The following RBFOX1 variants were observed in gnomAD, a reference collection of about 807,000 sequenced individuals.
The protein encoded by RBFOX1 is RNA binding fox-1 homolog 1.
A neutral mutation model predicts 57.7 loss-of-function variants in RBFOX1; 8 were observed. The ratio of observed to expected loss-of-function variants is 0.14; its 90% confidence interval spans 0.08 to 0.25. The LOEUF (loss-of-function observed/expected upper bound fraction) is 0.25, where lower values mean the gene tolerates loss of function less well. RBFOX1 is among the 10% of genes least tolerant of loss of function. The pLI is 1.00. For synonymous variants in RBFOX1, 326 were observed against 222.4 expected, an observed-to-expected ratio of 1.47 and a Z score of -4.15; for missense variants, 611 against 548.5, an observed-to-expected ratio of 1.11 and a Z score of -1.14.
chr16:5,343,960 C>G (rs2065087630), intron 1 of RBFOX1, among the ~76,000 whole-genome samples: 1 of 152,156 alleles, frequency 6.6e-6, no homozygotes, highest in South Asian at 2.1e-4. Flanking sequence ...AACGCTTGAG[C>G]ATATGTAACC....
At chr16:7,105,346 A>G (rs954713026) in intron 4 of RBFOX1, among the ~76,000 whole-genome samples, 24 of 133,418 alleles carry the variant, frequency 1.8e-4, no homozygotes, top group Admixed American at 7.7e-5. Flanking sequence ...TTTTATTTTC[A>G]TAGGTTTCGG....
chr16:6,457,070 G>T (rs1396347698), intron 2 of RBFOX1, among the ~76,000 whole-genome samples: 1 of 152,112 alleles, frequency 6.6e-6, no homozygotes, highest in East Asian at 1.9e-4. Flanking sequence ...GTATAAACAG[G>T]TTTTAAGCCA....
At chr16:6,099,056 A>C (rs1469211210) in intron 1 of RBFOX1, among the ~76,000 whole-genome samples, 1 of 152,182 alleles carries the variant, frequency 6.6e-6, no homozygotes, top group East Asian at 1.9e-4. Flanking sequence ...ATGTTTCTCC[A>C]TCTGGTTGAG....
At chr16:7,018,949 T>C (rs1270624864) in intron 3 of RBFOX1, among the ~76,000 whole-genome samples, 2 of 151,984 alleles carry the variant, frequency 1.3e-5, no homozygotes, top group South Asian at 2.1e-4. Context: ...TGAGACCTCG[T>C]CTCTACAAAA....
rs1011846771 is a variant in RBFOX1 at position 6,525,168 on chromosome 16, C to T, written c.-63-129435C>T. On this transcript the variant is annotated intron_variant, in intron 2 of 15. Transcript: ENST00000550418. ...GGGAATTGCTTGCAAACATCCTGAACTATAGTAAGTGTTAGAAGGCAAACA... is the reference window on the plus strand; with the variant it reads ...GGGAATTGCTTGCAAACATCCTGAATTATAGTAAGTGTTAGAAGGCAAACA... Among the ~76,000 whole-genome samples the T allele has an allele frequency of 2.6e-5, 4 of 152,274 alleles. No individual in the cohort carries two copies. In the South Asian group the frequency reaches 8.3e-4, roughly 32 times the overall value.
At chr16:6,093,099 C>T (rs1045250223) in intron 1 of RBFOX1, 3 of 152,162 alleles carry the variant, frequency 2.0e-5, no homozygotes, top group Non-Finnish European at 4.4e-5. Context: ...TTGTTTGCTT[C>T]ATTTTGCAAG....
At chr16:7,337,926 G>A (rs1009996014) in intron 4 of RBFOX1, among the ~76,000 whole-genome samples, 1 of 152,174 alleles carries the variant, frequency 6.6e-6, no homozygotes, top group East Asian at 1.9e-4. Context: ...CTCATGATCT[G>A]CCCGCCTTGG....
At chr16:7,125,608 G>A (rs952507536) in intron 4 of RBFOX1, among the ~76,000 whole-genome samples, 5 of 152,068 alleles carry the variant, frequency 3.3e-5, no homozygotes, top group African/African-American at 9.7e-5. Flanking sequence ...TTTCATCATC[G>A]CAATAATATA....
chr16:6,842,127 A>G (rs1420906015), intron 3 of RBFOX1, among the ~76,000 whole-genome samples: 2 of 151,388 alleles, frequency 1.3e-5, no homozygotes, highest in African/African-American at 2.4e-5. Flanking sequence ...TGGGTGACAG[A>G]GCAAGACTGT....
rs372319899 is a variant in RBFOX1, at chr16:6,963,949, C to T, written c.-15-88108C>T. Among the ~76,000 whole-genome samples, 383 of 152,176 alleles carry T rather than the reference C, an allele frequency of 2.5e-3. 20 individuals carry two copies. In the South Asian group the frequency reaches 0.076, roughly 30 times the overall value. Reference sequence around the variant, plus strand: ...TCCTGACATCATGATCCACCCGCCTCGGCCTCCCAAAGTGCTGGGATTACA... The same window carrying T: ...TCCTGACATCATGATCCACCCGCCTTGGCCTCCCAAAGTGCTGGGATTACA... On this transcript the variant is annotated intron_variant, in intron 3 of 15. Coordinates refer to ENST00000550418, the MANE Select transcript of RBFOX1 (RefSeq NM_018723.4).
At chr16:7,599,117 T>G (rs1174271859) in intron 9 of RBFOX1, among the ~76,000 whole-genome samples, 2 of 152,244 alleles carry the variant, frequency 1.3e-5, no homozygotes, top group Non-Finnish European at 2.9e-5. Context: ...ATAGACTATT[T>G]TCACACCAGA....
intron 3 of RBFOX1, among the ~76,000 whole-genome samples, chr16:6,998,965 T>C (rs1240830006): frequency 6.6e-6 from 1 of 151,214 alleles, no homozygotes; most frequent in African/African-American, 2.4e-5. Flanking sequence ...GCCTCCCAGG[T>C]TCAAGCGATT....
chr16:6,373,415 A>T (rs544786588), intron 2 of RBFOX1, among the ~76,000 whole-genome samples: 2 of 151,436 alleles, frequency 1.3e-5, no homozygotes, highest in African/African-American at 4.9e-5. Context: ...GTTGGGTGCA[A>T]TGGAGATTGG....
intron 11 of RBFOX1, among the ~76,000 whole-genome samples, chr16:7,649,846 C>A (rs2064579895): frequency 6.6e-6 from 1 of 152,066 alleles, no homozygotes; most frequent in African/African-American, 2.4e-5. Context: ...ATGATTTTTA[C>A]ATGAACCAGG....
chr16:7,427,027 C>T (rs2098624956), intron 4 of RBFOX1, among the ~76,000 whole-genome samples: 1 of 152,214 alleles, frequency 6.6e-6, no homozygotes, highest in Non-Finnish European at 1.5e-5. Flanking sequence ...GAAAACCAAA[C>T]ACTGCGTGTT....
chr16:5,989,264 G>C (rs1179185132), intron 4 of RBFOX1, among the ~76,000 whole-genome samples: 1 of 152,020 alleles, frequency 6.6e-6, no homozygotes, highest in East Asian at 1.9e-4. Flanking sequence ...CCGGGAGGCG[G>C]AGTTTACAGT....
chr16:5,784,920 C>T (rs973174321), intron 3 of RBFOX1, among the ~76,000 whole-genome samples: 7 of 152,168 alleles, frequency 4.6e-5, no homozygotes, highest in African/African-American at 1.4e-4. Context: ...CAACAGATTT[C>T]TCTTGTTTAT....
intron 3 of RBFOX1, among the ~76,000 whole-genome samples, chr16:6,861,294 A>C (rs989932723): frequency 6.6e-6 from 1 of 152,196 alleles, no homozygotes; most frequent in Non-Finnish European, 1.5e-5. Flanking sequence ...TTATACAAAA[A>C]CAAGGTCCCT....
intron 1 of RBFOX1, among the ~76,000 whole-genome samples, chr16:6,255,986 ACCATGG>A (rs1181636553): frequency 6.6e-6 from 1 of 151,124 alleles, no homozygotes; most frequent in Non-Finnish European, 1.5e-5. Flanking sequence ...GCAGCAAACC[ACCATGG>A]CACATGTATA....
Sources: allele counts gnomAD v4.1 joint callset (sites outside exome capture counted in the v4.1 genomes callset), GRCh38; gene constraint gnomAD v4.1.1; transcripts MANE v1.5; gene names NCBI Gene and HGNC (gene_info 2026-07-23, HGNC 2026-07-21).